Variants in PLEKHG1 observed in about 807,000 individuals in gnomAD.
The protein encoded by PLEKHG1 is pleckstrin homology domain-containing family G member 1.
A neutral mutation model predicts 100.8 loss-of-function variants in PLEKHG1; 44 were observed. The observed-to-expected ratio is 0.44, with a 90% CI of 0.34 to 0.56. The LOEUF is 0.56. Among genes scored for constraint, PLEKHG1 ranks in the 20% least tolerant of loss-of-function variants. PLEKHG1 has a pLI of 0.01. For synonymous variants in PLEKHG1, 640 were observed against 662.5 expected, an observed-to-expected ratio of 0.97 and a Z score of 0.52; for missense variants, 1,545 against 1,720.9, an observed-to-expected ratio of 0.90 and a Z score of 1.81.
At chr6:150,629,178 G>T (rs1294297076) in intron 1 of PLEKHG1, among the ~76,000 whole-genome samples, 1 of 152,210 alleles carries the variant, frequency 6.6e-6, no homozygotes, top group Non-Finnish European at 1.5e-5. Flanking sequence ...ACACATTGCT[G>T]CTTGAAGCGA....
At chr6:150,634,447 T>A (rs1463699728) in intron 1 of PLEKHG1, among the ~76,000 whole-genome samples, 2 of 152,134 alleles carry the variant, frequency 1.3e-5, no homozygotes, top group African/African-American at 4.8e-5. Flanking sequence ...AGGCACATAG[T>A]ATGCCCTCAG....
At chr6:150,815,187 A>G (rs970130128) in intron 10 of PLEKHG1, among the ~76,000 whole-genome samples, 17 of 152,230 alleles carry the variant, frequency 1.1e-4, no homozygotes, top group Admixed American at 1.0e-3. Context: ...AAATGAATGC[A>G]TAGTGGGAAA....
At chr6:150,615,019 A>G (rs1418464362) in intron 1 of PLEKHG1, among the ~76,000 whole-genome samples, 3 of 152,222 alleles carry the variant, frequency 2.0e-5, no homozygotes. Context: ...ATTACCCTTT[A>G]GATTCATATC....
chr6:150,708,894 G>A (rs1231657535), intron 3 of PLEKHG1, among the ~76,000 whole-genome samples: 2 of 152,198 alleles, frequency 1.3e-5, no homozygotes, highest in African/African-American at 4.8e-5. Context: ...CAATTTTGCA[G>A]AAAGTGGAGA....
chr6:150,745,593 G>A (rs1216970820), intron 2 of PLEKHG1, among the ~76,000 whole-genome samples: 1 of 151,618 alleles, frequency 6.6e-6, no homozygotes, highest in Non-Finnish European at 1.5e-5. Flanking sequence ...TGAGGCAGGA[G>A]AATCGCTTGA....
upstream of PLEKHG1, among the ~76,000 whole-genome samples, chr6:150,717,803 C>T (rs899164237): frequency 6.6e-6 from 1 of 152,198 alleles, no homozygotes; most frequent in Non-Finnish European, 1.5e-5. Flanking sequence ...GGGCTAGGCA[C>T]AGTGGCTCAC....
intron 1 of PLEKHG1, among the ~76,000 whole-genome samples, chr6:150,620,659 TAGG>T (rs1203673030): frequency 6.6e-6 from 1 of 152,242 alleles, no homozygotes; most frequent in Non-Finnish European, 1.5e-5. Context: ...TTTCTGCTGT[TAGG>T]AGGACTGTAT....
At chr6:150,674,628 CCTCCCT>C (rs1294911870) in intron 3 of PLEKHG1, among the ~76,000 whole-genome samples, 703 of 51,880 alleles carry the variant, frequency 0.014, 46 homozygotes, top group African/African-American at 0.031. Context: ...TTCTCTCTCT[CCTCCCT>C]CTCTCTCTCT....
intron 10 of PLEKHG1, among the ~76,000 whole-genome samples, chr6:150,810,404 G>A (rs931584352): frequency 7.3e-5 from 11 of 151,066 alleles, no homozygotes; most frequent in African/African-American, 2.4e-4. Context: ...GACTACAGGT[G>A]CGCACCACCA....
At chr6:150,776,623 G>A (rs1419479205) in intron 3 of PLEKHG1, among the ~76,000 whole-genome samples, 9 of 131,522 alleles carry the variant, frequency 6.8e-5, no homozygotes, top group East Asian at 5.2e-4. Flanking sequence ...GCACATGTGC[G>A]GTTGCACATT....
chr6:150,766,591 G>C (rs1107523), intron 2 of PLEKHG1, among the ~76,000 whole-genome samples: 1 of 152,004 alleles, frequency 6.6e-6, no homozygotes, highest in Non-Finnish European at 1.5e-5. Flanking sequence ...GACTCCTCAC[G>C]ATCTGTTTTC....
At chr6:150,670,292 T>A (rs1779540666) in intron 3 of PLEKHG1, among the ~76,000 whole-genome samples, 1 of 152,262 alleles carries the variant, frequency 6.6e-6, no homozygotes, top group African/African-American at 2.4e-5. Context: ...TCCACTGACC[T>A]TTATTTCATT....
intron 3 of PLEKHG1, among the ~76,000 whole-genome samples, chr6:150,654,995 T>A (rs746330189): frequency 1.5e-4 from 23 of 152,252 alleles, no homozygotes; most frequent in Non-Finnish European, 3.4e-4. Context: ...TTGGTGGTGT[T>A]ATGAAAATGA....
At chr6:150,607,221 AC>A (rs1346014887) in intron 1 of PLEKHG1, among the ~76,000 whole-genome samples, 1 of 152,106 alleles carries the variant, frequency 6.6e-6, no homozygotes, top group Non-Finnish European at 1.5e-5. Flanking sequence ...GCCGTCTCTG[AC>A]CTGTGACTAG....
chr6:150,611,175 TC>T (rs1475605852), intron 1 of PLEKHG1, among the ~76,000 whole-genome samples: 1 of 152,220 alleles, frequency 6.6e-6, no homozygotes, highest in East Asian at 1.9e-4. Flanking sequence ...CTTCTTTATG[TC>T]TACTGTATAG....
chr6:150,745,103 A>G (rs1783083541), intron 2 of PLEKHG1, among the ~76,000 whole-genome samples: 2 of 152,190 alleles, frequency 1.3e-5, no homozygotes, highest in South Asian at 4.1e-4. Flanking sequence ...TTATACAGGC[A>G]TCATAGAGTT....
At chr6:150,821,528 A>G (rs1043449038) in intron 13 of PLEKHG1, among the ~76,000 whole-genome samples, 1 of 151,980 alleles carries the variant, frequency 6.6e-6, no homozygotes, top group Admixed American at 6.6e-5. Flanking sequence ...TACTAAACAT[A>G]CAAAAATTAG....
At chr6:150,787,061 T>C (rs1439799888) in intron 4 of PLEKHG1, among the ~76,000 whole-genome samples, 1 of 144,968 alleles carries the variant, frequency 6.9e-6, no homozygotes, top group Non-Finnish European at 1.5e-5. Flanking sequence ...AGAAGATGAA[T>C]GTTAGAAAAA....
intron 11 of PLEKHG1, 59 bp from the exon 13 acceptor site, chr6:150,819,620 C>G: frequency 1.2e-6 from 1 of 861,640 alleles, no homozygotes. Context: ...TAGCCATAAC[C>G]ATTTTCTGAG....
Sources: allele counts gnomAD v4.1 joint callset (sites outside exome capture counted in the v4.1 genomes callset), GRCh38; gene constraint gnomAD v4.1.1; transcripts MANE v1.5; gene names NCBI Gene and HGNC (gene_info 2026-07-23, HGNC 2026-07-21).